NPAS3: variants seen among roughly 807,000 people sequenced by gnomAD.
The protein encoded by NPAS3 is neuronal PAS domain protein 3.
A neutral mutation model predicts 73.1 loss-of-function variants in NPAS3; 14 were observed. That is an observed-to-expected ratio of 0.19 (90% CI 0.13 to 0.30). The LOEUF (loss-of-function observed/expected upper bound fraction) is 0.30, where lower values mean the gene tolerates loss of function less well. Ranked by LOEUF, NPAS3 falls within the 10% of genes least tolerant of loss-of-function variation. The pLI is 1.00. For missense variants in NPAS3, 1,096 were observed against 1,250.0 expected, an observed-to-expected ratio of 0.88 and a Z score of 1.86; for synonymous variants, 620 against 541.5, an observed-to-expected ratio of 1.14 and a Z score of -2.01.
rs1187593180 is a variant in NPAS3 at position 33,529,643 on chromosome 14, A to G, written c.469-30478A>G. ...TTTTTTTTCTTTTATGTATGTATGT[A>G]TGTTTTTTTTCTTAAGCATGTTGGC... On this transcript the variant is annotated intron_variant, in intron 4 of 11. Transcript: ENST00000356141. Among the ~76,000 whole-genome samples, 6 of 151,978 alleles carry G rather than the reference A, an allele frequency of 3.9e-5. No individual in the cohort carries two copies. The East Asian group carries it at 7.8e-4, about 20-fold the overall frequency.
chr14:33,394,986 A>G lies in NPAS3; in HGVS notation c.468+27718A>G, dbSNP rs192203404. On this transcript the variant is annotated intron_variant, in intron 4 of 11. Transcript: ENST00000356141. ...TCAAACTTGCCAACAGCCAAAAACC[A>G]TTAGTAAATTCTACAAGCTAGAAAA... Among the ~76,000 whole-genome samples the G allele has an allele frequency of 2.0e-5, 3 of 152,282 alleles. No homozygotes were observed. In the East Asian group the frequency reaches 5.8e-4, roughly 29 times the overall value.
In NPAS3 at chr14:33,700,843, C is replaced by T. The variant is rs117414279; in HGVS notation, c.733+24458C>T. Among the ~76,000 whole-genome samples the T allele has an allele frequency of 1.1e-3, 163 of 152,318 alleles. 1 individual carries two copies. The East Asian group carries it at 0.023, about 22-fold the overall frequency. On this transcript the variant is annotated intron_variant, in intron 6 of 11. Coordinates refer to ENST00000356141, the Ensembl canonical transcript of NPAS3. The stretch of plus-strand genomic sequence containing the variant: ...AACTTCCCTGCAATTCATTCCACCA[C>T]ACGTTTAAACCCAGTGTGGAAGATT...
At chr14:33,394,504 A>G (rs756579943) in intron 4 of NPAS3, among the ~76,000 whole-genome samples, 1 of 152,180 alleles carries the variant, frequency 6.6e-6, no homozygotes, top group South Asian at 2.1e-4. Flanking sequence ...ATGAGAATTT[A>G]TAGCCCCTGG....
chr14:32,940,152 C>A lies in NPAS3; in HGVS notation c.50+786C>A, dbSNP rs541477134. On this transcript the variant is annotated intron_variant, in intron 1 of 11. Coordinates refer to ENST00000356141, the Ensembl canonical transcript of NPAS3. ...CAAAATGTGTCAGCAGTTGGAGCAT[C>A]TATGCCCCGTTAGTTACTGTTTGGG... 1.4e-3 allele frequency among the ~76,000 whole-genome samples: 219 copies of A among 152,378 alleles called. 2 individuals carry two copies. Among genetic ancestry groups the A allele is most frequent in the African/African-American group, 5.1e-3 (213 of 41,592 alleles).
intron 5 of NPAS3, among the ~76,000 whole-genome samples, chr14:33,582,500 A>G (rs1243699867): frequency 6.6e-6 from 1 of 152,174 alleles, no homozygotes; most frequent in Non-Finnish European, 1.5e-5. Flanking sequence ...TTATCTTCTT[A>G]GGTCTATAAT....
intron 4 of NPAS3, among the ~76,000 whole-genome samples, chr14:33,482,655 G>A (rs933658553): frequency 6.6e-6 from 1 of 152,058 alleles, no homozygotes; most frequent in Non-Finnish European, 1.5e-5. Flanking sequence ...CTGATCTCTT[G>A]CCTTCCTCCC....
chr14:33,317,476 C>CA (rs1311851766), intron 3 of NPAS3, among the ~76,000 whole-genome samples: 1 of 152,026 alleles, frequency 6.6e-6, no homozygotes, highest in African/African-American at 2.4e-5. Flanking sequence ...TGGCTGTGTC[C>CA]ACACCCAAAT....
intron 5 of NPAS3, among the ~76,000 whole-genome samples, chr14:33,625,483 C>A (rs1329361725): frequency 6.6e-6 from 1 of 152,182 alleles, no homozygotes; most frequent in Non-Finnish European, 1.5e-5. Context: ...ATTAAAGACA[C>A]AGAGGTACTT....
At chr14:33,304,378 A>G (rs2042675014) in intron 3 of NPAS3, among the ~76,000 whole-genome samples, 1 of 152,150 alleles carries the variant, frequency 6.6e-6, no homozygotes, top group Non-Finnish European at 1.5e-5. Flanking sequence ...AAGTCAGCTT[A>G]ATGTTACTCA....
chr14:33,021,886 A>G (rs1177295087), intron 1 of NPAS3, among the ~76,000 whole-genome samples: 3 of 152,206 alleles, frequency 2.0e-5, no homozygotes, highest in African/African-American at 4.8e-5. Flanking sequence ...ACGAACACGT[A>G]TTTTATACAT....
chr14:33,091,603 C>A (rs1478186183), intron 2 of NPAS3, among the ~76,000 whole-genome samples: 3 of 152,056 alleles, frequency 2.0e-5, no homozygotes, highest in Non-Finnish European at 4.4e-5. Context: ...CTATTCCAAT[C>A]AATAGAAAAA....
chr14:33,260,370 G>A (rs2048930617), intron 3 of NPAS3, among the ~76,000 whole-genome samples: 1 of 149,974 alleles, frequency 6.7e-6, no homozygotes, highest in South Asian at 2.1e-4. Flanking sequence ...TTTTAAGTTT[G>A]GCCACAGTTC....
At position 33,215,709 on chromosome 14, in the gene NPAS3, G is replaced by T. The variant is rs1233534549; in HGVS notation, c.385+283G>T. The T allele has an allele frequency of 1.4e-5, 9 of 635,930 alleles. No homozygotes were observed. The East Asian group carries it at 1.9e-4, about 13-fold the overall frequency. The allele number at this position is 635,930 out of a possible 1,614,324, so 39.4% of individuals were successfully genotyped here. On this transcript the variant is annotated intron_variant, in intron 3 of 11. Coordinates refer to ENST00000356141, the Ensembl canonical transcript of NPAS3. Reference sequence around the variant, plus strand: ...AATGACACATTAAAATGCTTCTTGGGTTTAATGTATGTTTTACCATTACAT... The same window carrying T: ...AATGACACATTAAAATGCTTCTTGGTTTTAATGTATGTTTTACCATTACAT...
chr14:33,448,242 A>G (rs2049612507), intron 4 of NPAS3, among the ~76,000 whole-genome samples: 1 of 152,228 alleles, frequency 6.6e-6, no homozygotes, highest in African/African-American at 2.4e-5. Flanking sequence ...AGTAAAAGTC[A>G]TGCACTTGGA....
At chr14:33,685,161 G>A (rs562257063) in intron 6 of NPAS3, among the ~76,000 whole-genome samples, 16 of 152,106 alleles carry the variant, frequency 1.1e-4, no homozygotes, top group African/African-American at 3.1e-4. Flanking sequence ...AAATAATGAC[G>A]AGGCTCCCCA....
In NPAS3 at chr14:33,626,792, G is replaced by T. The variant is rs556507982; in HGVS notation, c.559-49419G>T. Among the ~76,000 whole-genome samples, 43 of 152,234 alleles carry T rather than the reference G, an allele frequency of 2.8e-4. 1 individual carries two copies. In the South Asian group the frequency reaches 8.7e-3, roughly 31 times the overall value. ...AGTAGAAAAGAAACCAAATACATCAGTTTTGTAGTATTTTAGGTTATCCAT... is the reference window on the plus strand; with the variant it reads ...AGTAGAAAAGAAACCAAATACATCATTTTTGTAGTATTTTAGGTTATCCAT... On this transcript the variant is annotated intron_variant, in intron 5 of 11. Transcript: ENST00000356141.
intron 5 of NPAS3, among the ~76,000 whole-genome samples, chr14:33,578,865 T>C (rs985816968): frequency 1.3e-5 from 2 of 152,208 alleles, no homozygotes; most frequent in African/African-American, 4.8e-5. Context: ...GGTTATCTTT[T>C]CTCACAGAAC....
chr14:33,799,346 T>C (rs1198044455), intron 11 of NPAS3, among the ~76,000 whole-genome samples: 36 of 152,150 alleles, frequency 2.4e-4, no homozygotes, highest in Admixed American at 2.4e-3. Context: ...TCCAGGTTAT[T>C]TAACCTGACT....
At chr14:33,240,880 C>A (rs1566714098) in intron 3 of NPAS3, among the ~76,000 whole-genome samples, 3 of 151,764 alleles carry the variant, frequency 2.0e-5, no homozygotes. Context: ...TCTTTGTGTT[C>A]TTTTTCATTT....
Sources: allele counts gnomAD v4.1 joint callset (sites outside exome capture counted in the v4.1 genomes callset), GRCh38; gene constraint gnomAD v4.1.1; transcripts MANE v1.5; gene names NCBI Gene and HGNC (gene_info 2026-07-23, HGNC 2026-07-21).